The following ANK1 variants were observed in gnomAD, a reference collection of about 807,000 sequenced individuals.
ANK1 encodes the protein ankyrin 1.
ANK1 carries 51 observed loss-of-function variants against 210.4 expected under a neutral mutation model. The ratio of observed to expected loss-of-function variants is 0.24; its 90% CI spans 0.19 to 0.31. The LOEUF is 0.31. Ranked by LOEUF, ANK1 falls within the 10% of genes least tolerant of loss-of-function variation. ANK1 has a pLI of 1.00. For synonymous variants in ANK1, 967 were observed against 1,025.9 expected, an observed-to-expected ratio of 0.94 and a Z score of 1.10; for missense variants, 2,051 against 2,504.4, an observed-to-expected ratio of 0.82 and a Z score of 3.86.
exon 1 of ANK1, chr8:41,896,552 T>C: frequency 6.6e-7 from 1 of 1,515,842 alleles, no homozygotes; most frequent in Non-Finnish European, 8.8e-7. Context: ...CGACACCCCC[T>C]AAGAAGGGGA....
chr8:41,686,073 A>G, intron 36 of ANK1, 79 bp downstream of exon 36: 1 of 1,605,782 alleles, frequency 6.2e-7, no homozygotes, highest in Non-Finnish European at 8.5e-7. Flanking sequence ...GGCCAGTGTC[A>G]TGAATGGAAT....
chr8:41,819,229 G>A (rs1228670387), intron 1 of ANK1, among the ~76,000 whole-genome samples: 1 of 152,072 alleles, frequency 6.6e-6, no homozygotes, highest in Non-Finnish European at 1.5e-5. Context: ...TTTCTTGGTC[G>A]GGAGACAAAG....
At chr8:41,835,240 G>A (rs1378512233) in intron 1 of ANK1, among the ~76,000 whole-genome samples, 1 of 152,212 alleles carries the variant, frequency 6.6e-6, no homozygotes, top group Non-Finnish European at 1.5e-5. Flanking sequence ...ATCACCTGAG[G>A]TCAGGAGTTC....
At chr8:41,722,154 G>A (rs917295178) in intron 9 of ANK1, among the ~76,000 whole-genome samples, 3 of 152,214 alleles carry the variant, frequency 2.0e-5, no homozygotes, top group African/African-American at 4.8e-5. Flanking sequence ...GAAACACAGA[G>A]AGGGCAAGAC....
At chr8:41,698,549 C>T (rs1166005342) in intron 23 of ANK1, among the ~76,000 whole-genome samples, 1 of 152,176 alleles carries the variant, frequency 6.6e-6, no homozygotes, top group East Asian at 1.9e-4. Flanking sequence ...TCCATCTTTT[C>T]AGAAAACACC....
intron 1 of ANK1, among the ~76,000 whole-genome samples, chr8:41,889,088 A>G (rs907398393): frequency 2.4e-4 from 36 of 152,162 alleles, no homozygotes; most frequent in African/African-American, 8.4e-4. Context: ...TGATCCTCCC[A>G]TCTCGGCTCC....
rs1804828639 is a variant in ANK1, at chr8:41,653,817, A to T, written c.*1973T>A. 6.6e-6 allele frequency: 1 copy of T among 152,124 alleles called. No individual in the cohort carries two copies. Among genetic ancestry groups the T allele is most frequent in the Non-Finnish European group, 1.5e-5 (1 of 68,028 alleles). 9.4% of individuals were successfully genotyped at this position (152,124 alleles called of 1,614,324 possible). ...GCTCGCCCTGCAGCTCCTCCGACGC[A>T]GCCTCGGGGAAACTCAGGCCCGGAG... On this transcript the variant is annotated 3_prime_UTR_variant, in exon 43 of 43. Coordinates refer to ENST00000289734, the MANE Select transcript of ANK1 (RefSeq NM_000037.4).
intron 1 of ANK1, among the ~76,000 whole-genome samples, chr8:41,775,412 C>T (rs1269058355): frequency 6.6e-6 from 1 of 152,126 alleles, no homozygotes. Flanking sequence ...GGAGTTTGTC[C>T]AGCCTCTGGA....
chr8:41,662,840 C>T (rs1014307106), intron 40 of ANK1, among the ~76,000 whole-genome samples: 1 of 151,964 alleles, frequency 6.6e-6, no homozygotes, highest in African/African-American at 2.4e-5. Flanking sequence ...TAGCTAGCAC[C>T]GTGCCCCACA....
At chr8:41,656,036 T>C (rs979895954) in intron 42 of ANK1, among the ~76,000 whole-genome samples, 3 of 152,240 alleles carry the variant, frequency 2.0e-5, no homozygotes, top group Non-Finnish European at 4.4e-5. Flanking sequence ...GATGCCTCTC[T>C]GTATGGGCCA....
At chr8:41,658,489 G>A (rs1806540940) in intron 42 of ANK1, among the ~76,000 whole-genome samples, 1 of 152,192 alleles carries the variant, frequency 6.6e-6, no homozygotes, top group African/African-American at 2.4e-5. Context: ...AATGACTTAA[G>A]GCCATACAAC....
At chr8:41,793,600 CT>C (rs367899418) in intron 1 of ANK1, among the ~76,000 whole-genome samples, 95 of 152,254 alleles carry the variant, frequency 6.2e-4, no homozygotes, top group Middle Eastern at 3.4e-3. Flanking sequence ...ACCACTGTTG[CT>C]TTTTAAAACT....
chr8:41,683,879 A>G (rs879930985), intron 37 of ANK1, among the ~76,000 whole-genome samples: 6 of 152,110 alleles, frequency 3.9e-5, no homozygotes, highest in African/African-American at 1.4e-4. Context: ...CCTCCTGTAC[A>G]TCCTCTCCTT....
intron 33 of ANK1, among the ~76,000 whole-genome samples, chr8:41,689,542 T>C (rs907871470): frequency 6.6e-6 from 1 of 152,240 alleles, no homozygotes. Context: ...TAGTTTAGCA[T>C]GGAAGGCTAA....
At chr8:41,882,765 G>GA (rs1239364003) in intron 1 of ANK1, among the ~76,000 whole-genome samples, 2 of 152,238 alleles carry the variant, frequency 1.3e-5, no homozygotes, top group Admixed American at 6.5e-5. Flanking sequence ...TGCTTTCCAG[G>GA]AAAACAGGCA....
At chr8:41,785,728 G>T (rs1262749343) in intron 1 of ANK1, among the ~76,000 whole-genome samples, 1 of 152,186 alleles carries the variant, frequency 6.6e-6, no homozygotes, top group Admixed American at 6.5e-5. Context: ...AGGAGTTGCC[G>T]AATTGATCTT....
chr8:41,755,831 G>C (rs546937505), intron 2 of ANK1, among the ~76,000 whole-genome samples: 1 of 152,330 alleles, frequency 6.6e-6, no homozygotes, highest in South Asian at 2.1e-4. Flanking sequence ...AATGTCCTCT[G>C]GGCTGTGGAT....
intron 39 of ANK1, 104 bp downstream of exon 39, chr8:41,668,163 T>A (rs1811144307): frequency 1.3e-6 from 2 of 1,483,784 alleles, no homozygotes; most frequent in Non-Finnish European, 1.9e-6. Context: ...AGGAAGGGGA[T>A]ATGCTTAGCT....
Position 41,714,251 on chromosome 8 carries a change from C to CCTGTCTCTT in ANK1, c.1704_1705insAAGAGACAG (p.Asn568_Gly569insLysArgGln). ...ACGGCCACGTGCAGGGGGGTCAGGC[C>CCTGTCTCTT]ATTCTGCAGGGGACAAAGACAAAAG... On this transcript the variant is annotated inframe_insertion, in exon 16 of 43. Transcript: ENST00000289734. The CCTGTCTCTT allele has an allele frequency of 6.4e-7, 1 of 1,555,388 alleles. No homozygotes were observed. The highest frequency in any genetic ancestry group is 8.7e-7 in the Non-Finnish European group (1 of 1,143,900).
Sources: allele counts gnomAD v4.1 joint callset (sites outside exome capture counted in the v4.1 genomes callset), GRCh38; gene constraint gnomAD v4.1.1; transcripts MANE v1.5; gene names NCBI Gene and HGNC (gene_info 2026-07-23, HGNC 2026-07-21).